CTDSP1: variants seen among roughly 807,000 people sequenced by gnomAD.
The protein encoded by CTDSP1 is carboxy-terminal domain RNA polymerase II polypeptide A small phosphatase 1.
CTDSP1 carries 15 observed loss-of-function variants against 32.5 expected under a neutral mutation model. The ratio of observed to expected loss-of-function variants is 0.46; its 90% CI spans 0.31 to 0.71. CTDSP1 has a LOEUF of 0.71. Ranked by LOEUF, CTDSP1 falls within the 30% of genes least tolerant of loss-of-function variation. The probability of loss-of-function intolerance (pLI) is 0.05; values close to 1 mark genes in which losing one functional copy is unlikely to be tolerated. For missense variants in CTDSP1, 294 were observed against 351.1 expected, an observed-to-expected ratio of 0.84 and a Z score of 1.30; for synonymous variants, 185 against 145.4, an observed-to-expected ratio of 1.27 and a Z score of -1.96.
At chr2:218,399,658 C>T, upstream of CTDSP1, 2 of 892,984 alleles carry the variant, frequency 2.2e-6, no homozygotes, top group Non-Finnish European at 1.3e-6. Flanking sequence ...GGGCCTGCCA[C>T]GCAGCCGCAG....
chr2:218,401,532 C>T (rs1476891734), intron 1 of CTDSP1, 32 bp from the exon 2 acceptor site: 1 of 1,611,698 alleles, frequency 6.2e-7, no homozygotes, highest in South Asian at 1.1e-5. Flanking sequence ...CCAGTGTGCA[C>T]CGAGCCTCCA....
intron 3 of CTDSP1, 21 bp downstream of exon 3, chr2:218,402,236 C>A: frequency 6.2e-7 from 1 of 1,612,540 alleles, no homozygotes; most frequent in East Asian, 2.2e-5. Context: ...CTCAACAGCC[C>A]TCAGCCCGGG....
upstream of CTDSP1, chr2:218,399,230 G>A (rs1574791432): frequency 6.6e-6 from 1 of 152,440 alleles, no homozygotes; most frequent in Middle Eastern, 3.4e-3. Context: ...CGGGGCCCCG[G>A]GTGGGGCCGT....
At chr2:218,396,708 G>A (rs1360931560), upstream of CTDSP1, 1 of 152,586 alleles carries the variant, frequency 6.6e-6, no homozygotes, top group African/African-American at 2.4e-5. Flanking sequence ...GCCAGCTGAA[G>A]GAGGAGATGG....
upstream of CTDSP1, chr2:218,398,344 TA>T (rs1559132256): frequency 5.7e-6 from 8 of 1,409,230 alleles, no homozygotes; most frequent in African/African-American, 5.7e-5. Context: ...TAAATGAGAT[TA>T]GGGGGCGCAG....
upstream of CTDSP1, chr2:218,398,169 G>A (rs1281792453): frequency 1.9e-6 from 1 of 536,680 alleles, no homozygotes; most frequent in Non-Finnish European, 3.3e-6. Context: ...AGATAAAGCC[G>A]AGGCCCCACC....
Position 218,404,561 on chromosome 2 carries a change from C to A in CTDSP1, c.*136C>A. 9.4e-7 allele frequency: 1 copy of A among 1,059,450 alleles called. No homozygotes were observed. The highest frequency in any genetic ancestry group is 1.4e-6 in the Non-Finnish European group (1 of 738,960). 65.6% of individuals were successfully genotyped at this position (1,059,450 alleles called of 1,614,324 possible). A position where few individuals can be genotyped will look rare whatever the true frequency, so the allele number is the denominator to read the frequency against. Reference sequence around the variant, plus strand: ...TGCCATGGGGAAGCGGGCGTCTCCCCCACCAGCCCCACCAGGCGGTGTAGG... The same window carrying A: ...TGCCATGGGGAAGCGGGCGTCTCCCACACCAGCCCCACCAGGCGGTGTAGG... On this transcript the variant is annotated 3_prime_UTR_variant, in exon 7 of 7. Coordinates refer to ENST00000273062, the MANE Select transcript of CTDSP1 (RefSeq NM_021198.3).
rs1326509696 is a variant in CTDSP1, at chr2:218,405,611, T to G, written c.*1186T>G. ...TGTCCCCTTCCCCTGTGCCAACCCA[T>G]CTCCTACAGCCCCCTGCCTGATCCC... On this transcript the variant is annotated 3_prime_UTR_variant, in exon 7 of 7. Coordinates refer to ENST00000273062, the MANE Select transcript of CTDSP1 (RefSeq NM_021198.3). 6.5e-6 allele frequency: 1 copy of G among 152,892 alleles called. No individual in the cohort carries two copies. Among genetic ancestry groups the G allele is most frequent in the Admixed American group, 6.5e-5 (1 of 15,286 alleles). 9.5% of individuals were successfully genotyped at this position (152,892 alleles called of 1,614,324 possible). A position where few individuals can be genotyped will look rare whatever the true frequency, so the allele number is the denominator to read the frequency against.
chr2:218,398,426 C>G, upstream of CTDSP1: 1 of 1,535,128 alleles, frequency 6.5e-7, no homozygotes, highest in South Asian at 1.2e-5. Context: ...GTGGCCGCCC[C>G]GTGGGCTACC....
At chr2:218,401,063 G>A in intron 1 of CTDSP1, 2 of 400,386 alleles carry the variant, frequency 5.0e-6, no homozygotes, top group South Asian at 1.8e-5. Flanking sequence ...GATGGCCACT[G>A]GACACTGGCC....
upstream of CTDSP1, among the ~76,000 whole-genome samples, chr2:218,398,065 C>A (rs906852194): frequency 6.6e-6 from 1 of 152,144 alleles, no homozygotes; most frequent in African/African-American, 2.4e-5. Flanking sequence ...GAGAGGAAAG[C>A]GCGCCACCCA....
intron 1 of CTDSP1, chr2:218,401,012 C>A: frequency 2.3e-6 from 1 of 443,110 alleles, no homozygotes; most frequent in Admixed American, 2.4e-5. Context: ...AATCAGGCTG[C>A]TGGGCTCCAG....
At chr2:218,398,635 G>C (rs1479606822), upstream of CTDSP1, 1 of 437,040 alleles carries the variant, frequency 2.3e-6, no homozygotes, top group Non-Finnish European at 3.9e-6. Context: ...CCTGGCGGAC[G>C]TGCGCCGCGT....
chr2:218,398,580 G>A, upstream of CTDSP1: 5 of 789,706 alleles, frequency 6.3e-6, no homozygotes, highest in South Asian at 8.9e-5. Flanking sequence ...TTCCCCTCCC[G>A]GCCCCCGCGC....
Position 218,404,674 on chromosome 2 carries a change from G to A in CTDSP1, c.*249G>A, listed in dbSNP as rs1170857967. On this transcript the variant is annotated 3_prime_UTR_variant, in exon 7 of 7. Coordinates refer to ENST00000273062, the MANE Select transcript of CTDSP1 (RefSeq NM_021198.3). ...CCCCTATTCTCAGGGGACCTGGGGG[G>A]CCCTGCCTGCTGCTCCCTTTTTCTG... The A allele has an allele frequency of 1.1e-5, 5 of 449,022 alleles. No individual in the cohort carries two copies. Among genetic ancestry groups the A allele is most frequent in the Admixed American group, 4.0e-5 (1 of 24,932 alleles). The allele number at this position is 449,022 out of a possible 1,614,324, so 27.8% of individuals were successfully genotyped here.
chr2:218,400,442 T>A, intron 1 of CTDSP1: 1 of 524,814 alleles, frequency 1.9e-6, no homozygotes, highest in Non-Finnish European at 3.5e-6. Flanking sequence ...AGGCATTGCG[T>A]GGTGCATGGG....
chr2:218,402,877 G>C, intron 4 of CTDSP1, 158 bp from the exon 5 acceptor site: 1 of 667,234 alleles, frequency 1.5e-6, no homozygotes, highest in Non-Finnish European at 2.7e-6. Flanking sequence ...GGTGGGTACA[G>C]TTTCCCCAGC....
intron 4 of CTDSP1, 52 bp from the exon 5 acceptor site, chr2:218,402,983 A>C: frequency 7.4e-7 from 1 of 1,356,612 alleles, no homozygotes; most frequent in Non-Finnish European, 1.1e-6. Flanking sequence ...GCCCTCGGCC[A>C]CCCCCACACT....
upstream of CTDSP1, among the ~76,000 whole-genome samples, chr2:218,397,169 G>A (rs563543969): frequency 7.9e-5 from 12 of 152,294 alleles, no homozygotes; most frequent in South Asian, 2.3e-3. Flanking sequence ...TAATGGGCAG[G>A]TTGGTCAAGA....
Sources: gnomAD v4.1 joint callset for allele counts (sites outside exome capture counted in the v4.1 genomes callset) on GRCh38, gnomAD v4.1.1 for gene constraint, MANE v1.5 for transcripts, NCBI Gene and HGNC (gene_info 2026-07-23, HGNC 2026-07-21) for gene names.